LDLRAD4: variants seen among roughly 807,000 people sequenced by gnomAD.
LDLRAD4 encodes the protein low-density lipoprotein receptor class A domain-containing protein 4.
LDLRAD4 carries 5 observed loss-of-function variants against 17.0 expected under a neutral mutation model. The ratio of observed to expected loss-of-function variants is 0.29; its 90% CI spans 0.15 to 0.62. The LOEUF (loss-of-function observed/expected upper bound fraction) is 0.62, where lower values mean the gene tolerates loss of function less well. LDLRAD4 is among the 20% of genes least tolerant of loss of function. The probability of loss-of-function intolerance (pLI) is 0.84; values close to 1 mark genes in which losing one functional copy is unlikely to be tolerated. For missense variants in LDLRAD4, 340 were observed against 424.7 expected, an observed-to-expected ratio of 0.80 and a Z score of 1.75; for synonymous variants, 168 against 171.8, an observed-to-expected ratio of 0.98 and a Z score of 0.17.
At position 13,310,120 on chromosome 18, in the gene LDLRAD4, G is replaced by A. The variant is rs79903327; in HGVS notation, c.-383+31932G>A. On this transcript the variant is annotated intron_variant, in intron 1 of 5. Coordinates refer to ENST00000359446, the Ensembl canonical transcript of LDLRAD4. ...GTTGGGAGGCTGAGGTTGGGGGATC[G>A]GATTGCTTGAGGCTAGGAGCTTGAG... 3.3e-4 allele frequency among the ~76,000 whole-genome samples: 50 copies of A among 151,068 alleles called. No homozygotes were observed. In the East Asian group the frequency reaches 8.0e-3, roughly 24 times the overall value.
chr18:13,481,158 G>A (rs2093072616), intron 3 of LDLRAD4, among the ~76,000 whole-genome samples: 1 of 152,196 alleles, frequency 6.6e-6, no homozygotes, highest in Admixed American at 6.5e-5. Flanking sequence ...AACATGTGTG[G>A]CTGTCCTCCC....
Position 13,597,098 on chromosome 18 carries a change from AG to A in LDLRAD4, c.182-24018del, listed in dbSNP as rs1482079498. On this transcript the variant is annotated intron_variant, in intron 3 of 5. Coordinates refer to ENST00000359446, the Ensembl canonical transcript of LDLRAD4. ...AAATTCCTTTTGTATTTCTTAAGTG[AG>A]TCTACTAGCAACAGTCTTTCAGTTT... Among the ~76,000 whole-genome samples the A allele has an allele frequency of 8.5e-5, 13 of 152,174 alleles. No individual in the cohort carries two copies. In the South Asian group the frequency reaches 1.0e-3, roughly 12 times the overall value.
chr18:13,356,937 C>A (rs1309271717), intron 1 of LDLRAD4, among the ~76,000 whole-genome samples: 1 of 152,142 alleles, frequency 6.6e-6, no homozygotes, highest in East Asian at 1.9e-4. Context: ...AGGTCAAGAC[C>A]AGCCTGGCCA....
At position 13,370,708 on chromosome 18, in the gene LDLRAD4, G is replaced by GTTTTGTTTTTTTTTTT. The variant is rs1599732749; in HGVS notation, c.-382-16627_-382-16612dup. ...GGCAGTGTCTCTTTCATGGTTTTTT[G>GTTTTGTTTTTTTTTTT]TTTTGTTTTTTTTTTTTTTTGAGAT... On this transcript the variant is annotated intron_variant, in intron 1 of 5. Transcript: ENST00000359446. Among the ~76,000 whole-genome samples the GTTTTGTTTTTTTTTTT allele has an allele frequency of 1.4e-3, 19 of 13,518 alleles. No individual in the cohort carries two copies. The East Asian group carries it at 0.017, about 12-fold the overall frequency. The allele number at this position is 13,518 out of a possible 152,430, so 8.9% of individuals were successfully genotyped here. A position where few individuals can be genotyped will look rare whatever the true frequency, so the allele number is the denominator to read the frequency against.
Position 13,333,741 on chromosome 18 carries a change from T to G in LDLRAD4, c.-382-53600T>G, listed in dbSNP as rs550655656. On this transcript the variant is annotated intron_variant, in intron 1 of 5. Coordinates refer to ENST00000359446, the Ensembl canonical transcript of LDLRAD4. ...TTTATATCAGTCTCTTTCTGGAATTTCTATTATGTTCTCTTGTTCTATTTG... is the reference window on the plus strand; with the variant it reads ...TTTATATCAGTCTCTTTCTGGAATTGCTATTATGTTCTCTTGTTCTATTTG... 2.6e-5 allele frequency among the ~76,000 whole-genome samples: 4 copies of G among 152,366 alleles called. No homozygotes were observed. The South Asian group carries it at 8.3e-4, about 32-fold the overall frequency.
chr18:13,579,048 G>C (rs1462744366), intron 3 of LDLRAD4, among the ~76,000 whole-genome samples: 1 of 151,794 alleles, frequency 6.6e-6, no homozygotes, highest in African/African-American at 2.4e-5. Flanking sequence ...AAATTAGTCA[G>C]ACGTGATGGC....
intron 1 of LDLRAD4, among the ~76,000 whole-genome samples, chr18:13,313,818 G>A (rs576264237): frequency 1.5e-5 from 2 of 129,606 alleles, no homozygotes; most frequent in East Asian, 2.5e-4. Flanking sequence ...GCCAACAGCC[G>A]TGTGCGGGGG....
intron 3 of LDLRAD4, among the ~76,000 whole-genome samples, chr18:13,511,070 G>A (rs750309289): frequency 9.9e-5 from 15 of 152,196 alleles, no homozygotes; most frequent in Non-Finnish European, 1.6e-4. Context: ...GCCTGGATTA[G>A]TTCACCCATA....
chr18:13,637,835 CAGCCTGGGCAACAG>C (rs1283454339), intron 4 of LDLRAD4, among the ~76,000 whole-genome samples: 3 of 148,498 alleles, frequency 2.0e-5, no homozygotes, highest in African/African-American at 5.0e-5. Context: ...CACTGCACTC[CAGCCTGGGCAACAG>C]AGCAAGACTC....
Position 13,572,327 on chromosome 18 carries a change from G to A in LDLRAD4, c.182-48790G>A, listed in dbSNP as rs148271743. On this transcript the variant is annotated intron_variant, in intron 3 of 5. Transcript: ENST00000359446. ...CCCCTGGCCCCCTTTGCAGCCGGCT[G>A]TCCTTCTGTGATCACTGTGAATGTG... Among the ~76,000 whole-genome samples the A allele has an allele frequency of 8.6e-3, 1,317 of 152,342 alleles. 13 individuals are homozygous for A. The highest frequency in any genetic ancestry group is 0.036 in the South Asian group (176 of 4,822).
chr18:13,371,836 A>T (rs11875382), intron 1 of LDLRAD4, among the ~76,000 whole-genome samples: 1 of 152,112 alleles, frequency 6.6e-6, no homozygotes, highest in Non-Finnish European at 1.5e-5. Flanking sequence ...TGCTGAATTT[A>T]GCAACAAACA....
At chr18:13,397,274 G>T (rs1362468063) in intron 2 of LDLRAD4, among the ~76,000 whole-genome samples, 1 of 152,094 alleles carries the variant, frequency 6.6e-6, no homozygotes, top group South Asian at 2.1e-4. Context: ...CTCCCAAGTA[G>T]CTGGGACTAC....
chr18:13,541,258 A>G (rs1393249988), intron 3 of LDLRAD4, among the ~76,000 whole-genome samples: 2 of 152,246 alleles, frequency 1.3e-5, no homozygotes, highest in Admixed American at 6.5e-5. Flanking sequence ...AAGGACACTC[A>G]TTGCAGCAGT....
chr18:13,248,725 C>T (rs1319685464), intron 1 of LDLRAD4, among the ~76,000 whole-genome samples: 1 of 152,166 alleles, frequency 6.6e-6, no homozygotes, highest in Admixed American at 6.5e-5. Flanking sequence ...ATTAGCATCT[C>T]CATCATCTCA....
chr18:13,269,963 A>G (rs2044434468), intron 1 of LDLRAD4, among the ~76,000 whole-genome samples: 1 of 152,146 alleles, frequency 6.6e-6, no homozygotes, highest in South Asian at 2.1e-4. Context: ...GATTTGAACA[A>G]GTATTTGTAG....
At position 13,422,551 on chromosome 18, in the gene LDLRAD4, G is replaced by C. The variant is rs561131823; in HGVS notation, c.41-15693G>C. ...CATCTCTACCAAAAAAAAAAAAAAA[G>C]GCCAAGTGTGATGGCCTGTGCCTGT... is the stretch of plus-strand genomic sequence containing the variant. On this transcript the variant is annotated intron_variant, in intron 2 of 5. Transcript: ENST00000359446. Among the ~76,000 whole-genome samples the C allele has an allele frequency of 1.8e-3, 275 of 149,520 alleles. 1 individual carries two copies. The highest frequency in any genetic ancestry group is 6.5e-3 in the African/African-American group (266 of 40,850).
intron 2 of LDLRAD4, among the ~76,000 whole-genome samples, chr18:13,388,105 T>C (rs559657915): frequency 6.6e-6 from 1 of 152,326 alleles, no homozygotes; most frequent in East Asian, 1.9e-4. Context: ...GTGGTTTCTT[T>C]ACAGAACCGG....
intron 1 of LDLRAD4, among the ~76,000 whole-genome samples, chr18:13,265,442 G>A (rs2044163012): frequency 6.6e-6 from 1 of 152,204 alleles, no homozygotes; most frequent in South Asian, 2.1e-4. Context: ...GCTGCCTGGA[G>A]CATGGCTTTC....
intron 3 of LDLRAD4, chr18:13,459,931 C>G (rs900553460): frequency 1.9e-5 from 3 of 154,064 alleles, no homozygotes; most frequent in African/African-American, 4.8e-5. Context: ...TAAGCATACC[C>G]TAAGTTTCCG....
Sources: gnomAD v4.1 joint callset for allele counts (sites outside exome capture counted in the v4.1 genomes callset) on GRCh38, gnomAD v4.1.1 for gene constraint, MANE v1.5 for transcripts, NCBI Gene and HGNC (gene_info 2026-07-23, HGNC 2026-07-21) for gene names.